RASSF5: variants seen among roughly 807,000 people sequenced by gnomAD.
RASSF5 encodes Ras association domain family member 5.
In RASSF5, 25 loss-of-function variants were observed where a neutral mutation model predicts 40.5. That is an observed-to-expected ratio of 0.62 (90% CI 0.45 to 0.86). The LOEUF (loss-of-function observed/expected upper bound fraction) is 0.86. Ranked by LOEUF, RASSF5 falls within the 40% of genes least tolerant of loss-of-function variation. The pLI is 0.00. For synonymous variants in RASSF5, 246 were observed against 252.4 expected (o/e 0.97, Z 0.24); for missense variants, 521 against 572.8 (o/e 0.91, Z 0.92).
At chr1:206,572,167 T>C (rs974958064) in intron 2 of RASSF5, among the ~76,000 whole-genome samples, 2 of 151,638 alleles carry the variant, frequency 1.3e-5, no homozygotes, top group Non-Finnish European at 2.9e-5. Context: ...ACATTTATTT[T>C]GGGGTTTAGG....
chr1:206,571,032 T>C (rs1668434464), intron 2 of RASSF5, among the ~76,000 whole-genome samples: 3 of 152,222 alleles, frequency 2.0e-5, no homozygotes, highest in African/African-American at 7.2e-5. Context: ...GTGACTGCAT[T>C]ATTTTACAAT....
chr1:206,553,450 A>G (rs1369056887), intron 2 of RASSF5, among the ~76,000 whole-genome samples: 1 of 152,156 alleles, frequency 6.6e-6, no homozygotes, highest in East Asian at 1.9e-4. Flanking sequence ...AATCTCAGTT[A>G]ATGGCACTCA....
chr1:206,540,260 AG>A (rs1267045367), intron 2 of RASSF5, among the ~76,000 whole-genome samples: 1 of 152,226 alleles, frequency 6.6e-6, no homozygotes, highest in Non-Finnish European at 1.5e-5. Context: ...GGCAGGCAAA[AG>A]GCCCAGGGAA....
intron 3 of RASSF5, among the ~76,000 whole-genome samples, chr1:206,583,999 C>T (rs1019057827): frequency 6.6e-6 from 1 of 152,198 alleles, no homozygotes; most frequent in Non-Finnish European, 1.5e-5. Context: ...TGGGCTGGTT[C>T]TCCAAGGCCC....
intron 1 of RASSF5, among the ~76,000 whole-genome samples, chr1:206,510,672 G>A (rs538350359): frequency 6.6e-5 from 10 of 152,226 alleles, no homozygotes; most frequent in African/African-American, 2.2e-4. Flanking sequence ...TTGGGTATTA[G>A]GTGTCCTCTA....
intron 2 of RASSF5, chr1:206,543,697 G>T (rs537680262): frequency 6.6e-6 from 1 of 152,230 alleles, no homozygotes; most frequent in East Asian, 1.9e-4. Context: ...CTCACCTTTT[G>T]CCCTTTGTTT....
intron 2 of RASSF5, chr1:206,544,842 C>T (rs1286781849): frequency 6.6e-6 from 1 of 152,022 alleles, no homozygotes; most frequent in African/African-American, 2.4e-5. Context: ...CTCCCTCCTG[C>T]AGACATGCCA....
In RASSF5 at chr1:206,586,823, C is replaced by CA. The variant is rs1296093578; in HGVS notation, c.1105-2dup. 2.5e-6 allele frequency: 4 copies of CA among 1,611,156 alleles called. No individual in the cohort carries two copies. In the African/African-American group the frequency reaches 5.3e-5, roughly 22 times the overall value. ...TCCCACAAATCTCCCTCTCGCCTCA[C>CA]AGTGGGATGCCTTCTCCATCCCTGA... is the stretch of plus-strand genomic sequence containing the variant. On this transcript the variant is annotated splice_region_variant and splice_polypyrimidine_tract_variant and intron_variant, in intron 5 of 5. Coordinates refer to ENST00000579436, the MANE Select transcript of RASSF5 (RefSeq NM_182663.4).
intron 1 of RASSF5, among the ~76,000 whole-genome samples, chr1:206,530,004 A>G (rs1344388099): frequency 2.0e-5 from 3 of 152,244 alleles, no homozygotes; most frequent in African/African-American, 7.2e-5. Context: ...GAAATAATGC[A>G]TGTAGAATAC....
chr1:206,565,537 G>C (rs1668265670), intron 2 of RASSF5, among the ~76,000 whole-genome samples: 1 of 152,246 alleles, frequency 6.6e-6, no homozygotes, highest in South Asian at 2.1e-4. Flanking sequence ...AGATGGATGA[G>C]ATGGGGTTTC....
At chr1:206,521,803 G>A (rs552769636) in intron 1 of RASSF5, among the ~76,000 whole-genome samples, 2 of 152,304 alleles carry the variant, frequency 1.3e-5, no homozygotes, top group East Asian at 3.9e-4. Context: ...TGTCTTCTCA[G>A]GGGCCCAGGG....
intron 1 of RASSF5, among the ~76,000 whole-genome samples, chr1:206,514,619 C>A (rs1553395165): frequency 6.6e-6 from 1 of 152,218 alleles, no homozygotes. Context: ...TTGGCTGGGG[C>A]TGCTAGAAAA....
chr1:206,536,730 G>A (rs1190121619), intron 1 of RASSF5, among the ~76,000 whole-genome samples: 10 of 152,072 alleles, frequency 6.6e-5, no homozygotes, highest in Admixed American at 6.5e-4. Flanking sequence ...ACAAAAAGTG[G>A]CCCCCTAATC....
chr1:206,509,495 T>C (rs2103498152), intron 1 of RASSF5, among the ~76,000 whole-genome samples: 1 of 152,346 alleles, frequency 6.6e-6, no homozygotes, highest in South Asian at 2.1e-4. Flanking sequence ...TTGACTACAG[T>C]AGAATCAAAT....
intron 1 of RASSF5, among the ~76,000 whole-genome samples, chr1:206,532,697 G>T (rs573657147): frequency 2.0e-5 from 3 of 152,326 alleles, no homozygotes; most frequent in African/African-American, 7.2e-5. Context: ...ACTGACCTGG[G>T]ATTGACCATA....
At chr1:206,567,419 G>A (rs1450009497) in intron 2 of RASSF5, among the ~76,000 whole-genome samples, 1 of 152,194 alleles carries the variant, frequency 6.6e-6, no homozygotes, top group Non-Finnish European at 1.5e-5. Context: ...TTAATATTGA[G>A]TGGGTGAAAG....
rs569347839 is a variant in RASSF5 at position 206,589,082 on chromosome 1, C to G, written c.*2104C>G. 6.5e-6 allele frequency: 1 copy of G among 152,900 alleles called. No individual in the cohort carries two copies. Among genetic ancestry groups the G allele is most frequent in the South Asian group, 2.1e-4 (1 of 4,828 alleles). The allele number at this position is 152,900 out of a possible 1,614,324, so 9.5% of individuals were successfully genotyped here. A position where few individuals can be genotyped will look rare whatever the true frequency, so the allele number is the denominator to read the frequency against. On this transcript the variant is annotated 3_prime_UTR_variant, in exon 6 of 6. Transcript: ENST00000579436. The stretch of plus-strand genomic sequence containing the variant: ...AGCACAGTTAGACCCAAGGCCTATG[C>G]TGAGGTCTAAACCTCTGAAAAAAGT...
intron 2 of RASSF5, among the ~76,000 whole-genome samples, chr1:206,569,903 TGATG>T (rs1668394059): frequency 6.6e-6 from 1 of 152,046 alleles, no homozygotes; most frequent in African/African-American, 2.4e-5. Context: ...GGGCTTGGCG[TGATG>T]GAGGCCCAGT....
chr1:206,584,570 A>G lies in RASSF5; in HGVS notation c.874A>G (p.Ile292Val). ...CCTAGATGCCATCAAGCAGCTGCAC[A>G]TCAGCAGCACCACCACCGTCAGTGA... is the stretch of plus-strand genomic sequence containing the variant. ...LPLDAIKQLHISSTTTVSEVI... is the reference protein window; with the variant it reads ...LPLDAIKQLHVSSTTTVSEVI... Residue 292 changes from isoleucine to valine, a missense_variant, in exon 4 of 6, where the codon ATC (isoleucine) becomes GTC (valine). Physicochemically the swap from Ile to Val is conservative, Grantham distance 29. This residue lies in a region of RASSF5 where 284 missense variants were observed against 360.8 expected (regional missense o/e 0.79). Coordinates refer to ENST00000579436, the MANE Select transcript of RASSF5 (RefSeq NM_182663.4). The surrounding 1 kb of genome is among the most constrained non-coding windows in gnomAD (Gnocchi z 4.9). 1 of 1,614,226 alleles carries G rather than the reference A, an allele frequency of 6.2e-7. No homozygotes were observed. The highest frequency in any genetic ancestry group is 8.5e-7 in the Non-Finnish European group (1 of 1,180,030).
Sources: allele counts gnomAD v4.1 joint callset (sites outside exome capture counted in the v4.1 genomes callset), GRCh38; gene constraint gnomAD v4.1.1; regional missense constraint gnomAD v4.1.1; non-coding constraint Gnocchi (gnomAD v3.1); transcripts MANE v1.5; gene names NCBI Gene and HGNC (gene_info 2026-07-23, HGNC 2026-07-21).